The following TRDN variants were observed in gnomAD, a reference collection of about 807,000 sequenced individuals.
TRDN encodes triadin.
A neutral mutation model predicts 149.7 loss-of-function variants in TRDN; 161 were observed. The ratio of observed to expected loss-of-function variants is 1.08; its 90% CI spans 0.95 to 1.23. The LOEUF (loss-of-function observed/expected upper bound fraction) is 1.23. Among genes scored for constraint, TRDN ranks in the 50% most tolerant of loss-of-function variants. The probability of loss-of-function intolerance (pLI) is 0.00; values close to 1 mark genes in which losing one functional copy is unlikely to be tolerated. For missense variants in TRDN, 896 were observed against 823.5 expected (o/e 1.09, Z -1.08); for synonymous variants, 294 against 250.5 (o/e 1.17, Z -1.64).
At chr6:123,575,935 A>C (rs1210102498) in intron 1 of TRDN, among the ~76,000 whole-genome samples, 1 of 152,158 alleles carries the variant, frequency 6.6e-6, no homozygotes, top group Admixed American at 6.6e-5. Context: ...CCTACATTCT[A>C]GAATGGTATA....
Position 123,482,986 on chromosome 6 carries a change from T to C in TRDN, c.853+14207A>G, listed in dbSNP as rs561431495. Among the ~76,000 whole-genome samples the C allele has an allele frequency of 2.7e-4, 41 of 151,824 alleles. 1 individual carries two copies. The East Asian group carries it at 7.9e-3, about 29-fold the overall frequency. ...CAGACACAAGTATGAATGGTCTAAT[T>C]TGGAAGAGAACACAGTGGTACAGAT... is the stretch of plus-strand genomic sequence containing the variant. On this transcript the variant is annotated intron_variant, in intron 9 of 40. Transcript: ENST00000334268.
chr6:123,219,731 T>A (rs1775078013), intron 40 of TRDN, among the ~76,000 whole-genome samples: 2 of 151,974 alleles, frequency 1.3e-5, no homozygotes, highest in South Asian at 2.1e-4. Context: ...TCATCTGGAA[T>A]GATTTCTCTT....
chr6:123,430,993 G>A (rs1273473107), intron 12 of TRDN, among the ~76,000 whole-genome samples: 1 of 152,176 alleles, frequency 6.6e-6, no homozygotes, highest in Non-Finnish European at 1.5e-5. Flanking sequence ...TAAGTAACAA[G>A]TCAGAAGACT....
chr6:123,395,500 T>C (rs1274647952), intron 12 of TRDN, among the ~76,000 whole-genome samples: 1 of 152,060 alleles, frequency 6.6e-6, no homozygotes, highest in African/African-American at 2.4e-5. Context: ...CTGTCCTGGG[T>C]TGGGCTGTGT....
intron 1 of TRDN, among the ~76,000 whole-genome samples, chr6:123,606,293 T>C (rs1292409554): frequency 6.6e-6 from 1 of 152,082 alleles, no homozygotes. Context: ...TACATACATA[T>C]ACATACATTT....
At chr6:123,547,233 T>C in intron 4 of TRDN, 107 bp downstream of exon 4, 2 of 711,252 alleles carry the variant, frequency 2.8e-6, no homozygotes, top group Admixed American at 3.9e-5. Flanking sequence ...ACCTAATTAT[T>C]AAACAAAACC....
intron 23 of TRDN, among the ~76,000 whole-genome samples, chr6:123,325,503 G>A (rs1443543036): frequency 1.3e-5 from 2 of 152,106 alleles, no homozygotes; most frequent in Non-Finnish European, 2.9e-5. Context: ...GATGACATAT[G>A]TGAATTGCAA....
chr6:123,446,236 T>C (rs1044216866), intron 10 of TRDN, among the ~76,000 whole-genome samples: 14 of 108,864 alleles, frequency 1.3e-4, no homozygotes, highest in African/African-American at 4.6e-4. Context: ...GGGACTGTTG[T>C]GGGGTGGGGG....
intron 10 of TRDN, among the ~76,000 whole-genome samples, chr6:123,454,865 C>G (rs915716699): frequency 6.6e-6 from 1 of 152,128 alleles, no homozygotes; most frequent in Non-Finnish European, 1.5e-5. Flanking sequence ...CCCCTGTCCC[C>G]GGGAAAATTG....
chr6:123,508,921 C>T (rs1395869057), intron 7 of TRDN, among the ~76,000 whole-genome samples: 3 of 151,884 alleles, frequency 2.0e-5, no homozygotes, highest in Admixed American at 2.0e-4. Context: ...TTTTGTTTTA[C>T]CAGAAACCAC....
At chr6:123,581,813 A>G (rs1460800112) in intron 1 of TRDN, among the ~76,000 whole-genome samples, 1 of 152,214 alleles carries the variant, frequency 6.6e-6, no homozygotes, top group Non-Finnish European at 1.5e-5. Context: ...AATAATGCCA[A>G]TCATCAAACA....
chr6:123,596,590 A>G (rs1026285263), intron 1 of TRDN, among the ~76,000 whole-genome samples: 1 of 152,124 alleles, frequency 6.6e-6, no homozygotes, highest in African/African-American at 2.4e-5. Context: ...GCTTCAAAGG[A>G]CAGGCTAACT....
chr6:123,301,993 T>C (rs1425286159), intron 24 of TRDN, among the ~76,000 whole-genome samples: 1 of 149,952 alleles, frequency 6.7e-6, no homozygotes, highest in Non-Finnish European at 1.5e-5. Context: ...TATTCACCTA[T>C]ACATCCTCAA....
chr6:123,503,950 T>C (rs775527913), intron 7 of TRDN, 49 bp from the exon 8 acceptor site: 1 of 1,500,594 alleles, frequency 6.7e-7, no homozygotes, highest in Non-Finnish European at 8.9e-7. Context: ...TTTACAAACA[T>C]AATGTTTCAT....
intron 23 of TRDN, among the ~76,000 whole-genome samples, chr6:123,326,607 A>G (rs1779466074): frequency 6.6e-6 from 1 of 151,986 alleles, no homozygotes; most frequent in Non-Finnish European, 1.5e-5. Context: ...GTCCTATACA[A>G]AACTTCATGT....
intron 9 of TRDN, 94 bp downstream of exon 9, chr6:123,497,099 T>C: frequency 1.0e-6 from 1 of 984,146 alleles, no homozygotes; most frequent in South Asian, 1.9e-5. Flanking sequence ...ATGCAATTTT[T>C]AAAAAATGAA....
At chr6:123,402,434 T>C (rs1480017782) in intron 12 of TRDN, among the ~76,000 whole-genome samples, 1 of 151,082 alleles carries the variant, frequency 6.6e-6, no homozygotes, top group Non-Finnish European at 1.5e-5. Flanking sequence ...TTTTGAATCG[T>C]GCCAGGTTTA....
chr6:123,560,470 C>T (rs2114495509), intron 2 of TRDN, among the ~76,000 whole-genome samples: 2 of 152,248 alleles, frequency 1.3e-5, no homozygotes, highest in Admixed American at 1.3e-4. Context: ...CACTTTACTT[C>T]CAAAGGAAGC....
chr6:123,404,980 T>C (rs186279708), intron 12 of TRDN, among the ~76,000 whole-genome samples: 1 of 152,352 alleles, frequency 6.6e-6, no homozygotes, highest in South Asian at 2.1e-4. Context: ...AATTGGTATT[T>C]AGCTGGCAGC....
Sources: gnomAD v4.1 joint callset for allele counts (sites outside exome capture counted in the v4.1 genomes callset) on GRCh38, gnomAD v4.1.1 for gene constraint, MANE v1.5 for transcripts, NCBI Gene and HGNC (gene_info 2026-07-23, HGNC 2026-07-21) for gene names.